Variants in POC1B observed in about 807,000 individuals in gnomAD.
POC1B encodes the protein POC1 centriolar protein B, also known as POC1 centriolar protein homolog B.
A neutral mutation model predicts 60.6 loss-of-function variants in POC1B; 44 were observed. The ratio of observed to expected loss-of-function variants is 0.73; its 90% CI spans 0.57 to 0.93. POC1B has a LOEUF of 0.93. Among genes scored for constraint, POC1B ranks in the 40% least tolerant of loss-of-function variants. The pLI, the probability that POC1B is intolerant of heterozygous loss-of-function variation, is 0.00. For missense variants in POC1B, 555 were observed against 572.3 expected (o/e 0.97, Z 0.31); for synonymous variants, 180 against 198.9 (o/e 0.90, Z 0.80).
At chr12:89,451,686 AGT>A (rs1271767842) in intron 10 of POC1B, among the ~76,000 whole-genome samples, 1 of 152,234 alleles carries the variant, frequency 6.6e-6, no homozygotes, top group Non-Finnish European at 1.5e-5. Flanking sequence ...TGTTTTACAT[AGT>A]GTGACAGCAT....
chr12:89,471,430 C>T (rs1882887910), intron 6 of POC1B, among the ~76,000 whole-genome samples, 184 bp downstream of exon 6: 1 of 152,106 alleles, frequency 6.6e-6, no homozygotes, highest in Non-Finnish European at 1.5e-5. Context: ...GGTCTCTTCA[C>T]TTCCTGCTGT....
chr12:89,516,066 T>C (rs997768517), intron 2 of POC1B, among the ~76,000 whole-genome samples: 1 of 152,184 alleles, frequency 6.6e-6, no homozygotes, highest in African/African-American at 2.4e-5. Flanking sequence ...TAAGTTCACA[T>C]GGGTCTTATA....
At chr12:89,504,628 A>G (rs1869809045) in intron 2 of POC1B, among the ~76,000 whole-genome samples, 1 of 152,098 alleles carries the variant, frequency 6.6e-6, no homozygotes, top group Admixed American at 6.5e-5. Flanking sequence ...GAAAAAAGAC[A>G]TTAACGTTAA....
chr12:89,401,965 A>G, the POC1B span, among the ~76,000 whole-genome samples: 4 of 152,234 alleles, frequency 2.6e-5, no homozygotes, highest in African/African-American at 9.6e-5. Context: ...GTCAAAGTAC[A>G]GTGCTTTCAT....
At chr12:89,498,974 G>T (rs1401944749) in intron 2 of POC1B, among the ~76,000 whole-genome samples, 1 of 152,152 alleles carries the variant, frequency 6.6e-6, no homozygotes, top group Non-Finnish European at 1.5e-5. Flanking sequence ...CCACTCTGAG[G>T]AAAGGACATT....
chr12:89,521,975 C>T (rs2135775912), intron 2 of POC1B: 1 of 398,898 alleles, frequency 2.5e-6, no homozygotes, highest in Non-Finnish European at 4.4e-6. Flanking sequence ...TAAGCATTAA[C>T]AAAGGGAGGC....
intron 10 of POC1B, among the ~76,000 whole-genome samples, chr12:89,458,816 G>A (rs146388203): frequency 2.4e-4 from 37 of 152,214 alleles, no homozygotes; most frequent in African/African-American, 8.2e-4. Context: ...TTGTTCTTAC[G>A]ATTAGTTTTG....
intron 2 of POC1B, among the ~76,000 whole-genome samples, chr12:89,508,755 T>C (rs1422579889): frequency 6.6e-6 from 1 of 152,172 alleles, no homozygotes; most frequent in African/African-American, 2.4e-5. Flanking sequence ...CTCATGATAG[T>C]GAGTGATTTC....
intron 2 of POC1B, chr12:89,501,088 C>CA: frequency 1.7e-6 from 2 of 1,194,228 alleles, no homozygotes; most frequent in South Asian, 2.5e-5. Context: ...GCCTCTGAAA[C>CA]AACGCACCAT....
chr12:89,523,432 G>C (rs965876343), intron 2 of POC1B: 1 of 1,613,980 alleles, frequency 6.2e-7, no homozygotes, highest in African/African-American at 1.3e-5. Context: ...TAGGAAATTG[G>C]GGCGAGCATA....
chr12:89,465,890 C>T (rs1267563533), intron 9 of POC1B, among the ~76,000 whole-genome samples: 1 of 152,204 alleles, frequency 6.6e-6, no homozygotes, highest in Non-Finnish European at 1.5e-5. Flanking sequence ...CAACTGGAGA[C>T]TAGCAGAAGT....
intron 10 of POC1B, among the ~76,000 whole-genome samples, chr12:89,456,006 T>TTG (rs1565732817): frequency 7.6e-4 from 113 of 148,316 alleles, no homozygotes; most frequent in Non-Finnish European, 1.0e-3. Flanking sequence ...AAAACTCTTT[T>TTG]TTGTTGTTGT....
chr12:89,463,893 G>C (rs1565736094), intron 9 of POC1B, among the ~76,000 whole-genome samples: 1 of 152,194 alleles, frequency 6.6e-6, no homozygotes, highest in African/African-American at 2.4e-5. Flanking sequence ...CTTCAAACAA[G>C]TGAAGCGCTT....
intron 2 of POC1B, chr12:89,522,714 G>T (rs1390875942): frequency 1.4e-6 from 2 of 1,455,028 alleles, no homozygotes; most frequent in African/African-American, 2.8e-5. Flanking sequence ...ACTGCTAGGT[G>T]GCTTTTGATA....
At chr12:89,513,592 G>GAAAGGGATGACTGGCCTAATGGA (rs1870291850) in intron 2 of POC1B, among the ~76,000 whole-genome samples, 2 of 152,158 alleles carry the variant, frequency 1.3e-5, no homozygotes, top group Non-Finnish European at 2.9e-5. Context: ...GGCCCTCTGC[G>GAAAGGGATGACTGGCCTAATGGA]AAAGGGATGA....
intron 2 of POC1B, chr12:89,500,611 T>A (rs899927854): frequency 6.3e-7 from 1 of 1,595,456 alleles, no homozygotes; most frequent in Non-Finnish European, 8.6e-7. Flanking sequence ...CGCAAAATGT[T>A]ATTCCATCTA....
intron 9 of POC1B, among the ~76,000 whole-genome samples, chr12:89,465,551 T>C (rs1241153160): frequency 6.6e-6 from 1 of 152,200 alleles, no homozygotes; most frequent in Non-Finnish European, 1.5e-5. Context: ...TTCACATGTA[T>C]TTTATATGAA....
At chr12:89,453,848 A>G (rs17016891) in intron 10 of POC1B, among the ~76,000 whole-genome samples, 3,488 of 152,278 alleles carry the variant, frequency 0.023, 134 homozygotes, top group African/African-American at 0.08. Flanking sequence ...TGTGTCTGCA[A>G]GTTTATTCTT....
chr12:89,470,449 T>C lies in POC1B; in HGVS notation c.722A>G (p.Asn241Ser), dbSNP rs762804429. ...VNCISFHPSG[N>S]YLITASSDGT... The stretch of plus-strand genomic sequence containing the variant: ...ATCTGAAGAAGCTGTGATGAGATAG[T>C]TACCCGAAGGATGGAATGATATGCA... Residue 241 changes from asparagine (N) to serine (S), a missense_variant, in exon 7 of 12, where the codon AAC becomes AGC. Transcript: ENST00000313546. 3 of 1,608,056 alleles carry C rather than the reference T, an allele frequency of 1.9e-6. No individual in the cohort carries two copies. In the Admixed American group the frequency reaches 5.0e-5, roughly 27 times the overall value.
Sources: allele counts gnomAD v4.1 joint callset (sites outside exome capture counted in the v4.1 genomes callset), GRCh38; gene constraint gnomAD v4.1.1; transcripts MANE v1.5; gene names NCBI Gene and HGNC (gene_info 2026-07-23, HGNC 2026-07-21).